Variants in CPEB3 observed in about 807,000 individuals in gnomAD.
CPEB3 encodes the protein cytoplasmic polyadenylation element binding protein 3.
Under a neutral mutation model 67.2 loss-of-function variants are expected in CPEB3, and 20 were observed. The ratio of observed to expected loss-of-function variants is 0.30; its 90% CI spans 0.21 to 0.43. The LOEUF is 0.43. Ranked by LOEUF, CPEB3 falls within the 20% of genes least tolerant of loss-of-function variation. The pLI is 1.00. For synonymous variants in CPEB3, 376 were observed against 393.1 expected (o/e 0.96, Z 0.51); for missense variants, 746 against 968.6 (o/e 0.77, Z 3.05).
chr10:92,249,519 A>G (rs574955555), intron 1 of CPEB3, among the ~76,000 whole-genome samples: 16 of 152,194 alleles, frequency 1.1e-4, no homozygotes, highest in South Asian at 1.0e-3. Context: ...AAGGTGGTGC[A>G]TGCCTGTAAT....
intron 6 of CPEB3, among the ~76,000 whole-genome samples, chr10:92,130,656 T>C (rs1486043968): frequency 2.0e-5 from 1 of 50,668 alleles, no homozygotes; most frequent in African/African-American, 1.1e-4. Flanking sequence ...CCTATGTGGC[T>C]TTTTTTTTTT....
intron 7 of CPEB3, among the ~76,000 whole-genome samples, chr10:92,110,180 A>T (rs1829531994): frequency 6.6e-6 from 1 of 152,238 alleles, no homozygotes; most frequent in Non-Finnish European, 1.5e-5. Context: ...CATTTCTGAA[A>T]ATAAACCTAG....
intron 7 of CPEB3, among the ~76,000 whole-genome samples, chr10:92,107,852 A>C (rs1287102633): frequency 6.6e-6 from 1 of 152,242 alleles, no homozygotes; most frequent in African/African-American, 2.4e-5. Context: ...TTTCAGGACC[A>C]GACCTATACA....
chr10:92,160,190 C>G (rs889751596), intron 4 of CPEB3, among the ~76,000 whole-genome samples: 2 of 152,088 alleles, frequency 1.3e-5, no homozygotes, highest in Admixed American at 6.5e-5. Flanking sequence ...CAAGTGATCC[C>G]CACCTCGGCC....
At chr10:92,273,294 A>G (rs994539753) in intron 1 of CPEB3, among the ~76,000 whole-genome samples, 6 of 152,186 alleles carry the variant, frequency 3.9e-5, no homozygotes, top group African/African-American at 1.4e-4. Flanking sequence ...TAACAACTGT[A>G]TAACTACTGA....
rs1181744299 is a variant in CPEB3, at chr10:92,218,407, A to AAAAC, written c.1005+20935_1005+20938dup. 2.7e-3 allele frequency among the ~76,000 whole-genome samples: 412 copies of AAAAC among 152,190 alleles called. 2 individuals carry two copies. The highest frequency in any genetic ancestry group is 8.9e-3 in the African/African-American group (371 of 41,456). On this transcript the variant is annotated intron_variant, in intron 2 of 9. Coordinates refer to ENST00000265997, the MANE Select transcript of CPEB3 (RefSeq NM_014912.5). ...GTGCTACAGAGCAAGATTCCATCTC[A>AAAAC]AAACAAACAAACAGACAAACAAACA...
chr10:92,164,617 A>G (rs1201623580), intron 4 of CPEB3, among the ~76,000 whole-genome samples: 1 of 152,186 alleles, frequency 6.6e-6, no homozygotes, highest in African/African-American at 2.4e-5. Context: ...TACATGTATA[A>G]GTATTTTGTT....
At chr10:92,069,742 A>C (rs967578203) in intron 9 of CPEB3, among the ~76,000 whole-genome samples, 1 of 152,198 alleles carries the variant, frequency 6.6e-6, no homozygotes, top group Non-Finnish European at 1.5e-5. Flanking sequence ...AAAGTCCAAA[A>C]TTGGCAAACT....
intron 2 of CPEB3, among the ~76,000 whole-genome samples, chr10:92,220,982 C>T (rs1850672277): frequency 6.6e-6 from 1 of 152,220 alleles, no homozygotes; most frequent in East Asian, 1.9e-4. Flanking sequence ...AAATCACCAA[C>T]TCCTACTACT....
intron 6 of CPEB3, 151 bp downstream of exon 6, chr10:92,142,878 T>C: frequency 2.0e-6 from 1 of 501,980 alleles, no homozygotes; most frequent in Non-Finnish European, 3.6e-6. Context: ...AGTGGAAACA[T>C]AATACACAAA....
At chr10:92,147,099 TA>T (rs1846722444) in intron 4 of CPEB3, among the ~76,000 whole-genome samples, 1 of 152,048 alleles carries the variant, frequency 6.6e-6, no homozygotes, top group Non-Finnish European at 1.5e-5. Flanking sequence ...TCTGGGAAAA[TA>T]ATGCGTACGT....
intron 9 of CPEB3, among the ~76,000 whole-genome samples, chr10:92,062,010 A>T (rs2134321578): frequency 6.6e-6 from 1 of 152,232 alleles, no homozygotes; most frequent in Non-Finnish European, 1.5e-5. Context: ...GGGAAGTGGA[A>T]GCAGGTGGAT....
At chr10:92,160,762 C>T (rs912455654) in intron 4 of CPEB3, among the ~76,000 whole-genome samples, 2 of 152,186 alleles carry the variant, frequency 1.3e-5, no homozygotes, top group African/African-American at 4.8e-5. Context: ...GTTGTTCACA[C>T]AAGTCTTCAA....
rs1852165435 is a variant in CPEB3 at position 92,048,225 on chromosome 10, C to A, written c.*3987G>T. On this transcript the variant is annotated 3_prime_UTR_variant, in exon 10 of 10. Transcript: ENST00000265997. This position sits in a 1 kb window ranked among gnomAD's most constrained non-coding sequence, Gnocchi z 4.1. ...ATGAGTGAGACCCTGCAGGTGAGGT[C>A]TGCAGTACACCACGAAAGCCGTGTC... The A allele has an allele frequency of 6.6e-6, 1 of 152,250 alleles. No homozygotes were observed. Among genetic ancestry groups the A allele is most frequent in the Non-Finnish European group, 1.5e-5 (1 of 68,084 alleles). The allele number at this position is 152,250 out of a possible 1,614,324, so 9.4% of individuals were successfully genotyped here. A position where few individuals can be genotyped will look rare whatever the true frequency, so the allele number is the denominator to read the frequency against.
intron 6 of CPEB3, among the ~76,000 whole-genome samples, chr10:92,115,069 C>T (rs572254461): frequency 6.6e-6 from 1 of 152,346 alleles, no homozygotes; most frequent in Admixed American, 6.5e-5. Context: ...CGGGGGACGT[C>T]AGCGCTGCCA....
chr10:92,226,694 T>G (rs1590446812), intron 2 of CPEB3, among the ~76,000 whole-genome samples: 1 of 152,036 alleles, frequency 6.6e-6, no homozygotes, highest in East Asian at 1.9e-4. Flanking sequence ...TGTAAGACAA[T>G]GTAGCATAAG....
intron 3 of CPEB3, among the ~76,000 whole-genome samples, chr10:92,189,179 T>A (rs2134150011): frequency 6.6e-6 from 1 of 152,340 alleles, no homozygotes; most frequent in Admixed American, 6.5e-5. Flanking sequence ...ATTTTTTACA[T>A]CATTCAGATT....
intron 6 of CPEB3, among the ~76,000 whole-genome samples, chr10:92,120,098 C>CAAAAAAAAAAAAAAAAAAACAAACA (rs1554890962): frequency 2.2e-5 from 1 of 45,284 alleles, no homozygotes; most frequent in African/African-American, 1.3e-4. Context: ...ACTAAAAATA[C>CAAAAAAAAAAAAAAAAAAACAAACA]AAAAAAAAAA....
chr10:92,175,960 G>A (rs1035530946), intron 4 of CPEB3, among the ~76,000 whole-genome samples: 2 of 152,090 alleles, frequency 1.3e-5, no homozygotes, highest in African/African-American at 2.4e-5. Context: ...GCATAGTGGC[G>A]TGTGCCTGTA....
Sources: allele counts gnomAD v4.1 joint callset (sites outside exome capture counted in the v4.1 genomes callset), GRCh38; gene constraint gnomAD v4.1.1; non-coding constraint Gnocchi (gnomAD v3.1); transcripts MANE v1.5; gene names NCBI Gene and HGNC (gene_info 2026-07-23, HGNC 2026-07-21).